The following ADAMTSL3 variants were observed in gnomAD, a reference collection of about 807,000 sequenced individuals.
ADAMTSL3 encodes the protein ADAMTS like 3.
Under a neutral mutation model 201.7 loss-of-function variants are expected in ADAMTSL3, and 128 were observed. The observed-to-expected ratio is 0.63, with a 90% CI of 0.55 to 0.73. ADAMTSL3 has a LOEUF of 0.73. Among genes scored for constraint, ADAMTSL3 ranks in the 30% least tolerant of loss-of-function variants. The pLI is 0.00. For synonymous variants in ADAMTSL3, 738 were observed against 748.4 expected (o/e 0.99, Z 0.23); for missense variants, 1,990 against 2,119.6 (o/e 0.94, Z 1.20).
At chr15:83,763,082 T>C (rs1356271103) in intron 3 of ADAMTSL3, among the ~76,000 whole-genome samples, 1 of 152,022 alleles carries the variant, frequency 6.6e-6, no homozygotes, top group Non-Finnish European at 1.5e-5. Flanking sequence ...AGAGACGGGG[T>C]TTCACCGTGT....
At chr15:83,992,454 A>G (rs939696310) in intron 23 of ADAMTSL3, among the ~76,000 whole-genome samples, 6 of 152,170 alleles carry the variant, frequency 3.9e-5, no homozygotes, top group Non-Finnish European at 8.8e-5. Context: ...TACACCCACC[A>G]TTACAGAAAG....
chr15:83,866,626 G>A (rs1484325086), intron 8 of ADAMTSL3, among the ~76,000 whole-genome samples: 1 of 152,040 alleles, frequency 6.6e-6, no homozygotes, highest in Non-Finnish European at 1.5e-5. Flanking sequence ...GGGGGAGTGG[G>A]GAGGGATAGC....
chr15:83,876,695 A>C (rs1241685356), intron 9 of ADAMTSL3, among the ~76,000 whole-genome samples: 2 of 152,068 alleles, frequency 1.3e-5, no homozygotes, highest in African/African-American at 2.4e-5. Context: ...TCGGTGGCAC[A>C]ATCATGACTC....
chr15:83,838,182 G>C lies in ADAMTSL3; in HGVS notation c.694G>C (p.Gly232Arg). 1 of 1,612,794 alleles carries C rather than the reference G, an allele frequency of 6.2e-7. No homozygotes were observed. The highest frequency in any genetic ancestry group is 8.5e-7 in the Non-Finnish European group (1 of 1,179,482). Residue 232 changes from glycine to arginine, a missense_variant, in exon 7 of 30, where the codon GGA becomes CGA. Coordinates refer to ENST00000286744, the MANE Select transcript of ADAMTSL3 (RefSeq NM_207517.3). ...GDGSTCRLVR[G>R]QSKSHVSPEK... ...TGGCTCCACCTGCAGGCTTGTACGG[G>C]GACAATCAAAGTCACACGTTTCTCC...
chr15:83,721,270 ATCTG>A (rs1368003098), intron 3 of ADAMTSL3, among the ~76,000 whole-genome samples: 30 of 152,212 alleles, frequency 2.0e-4, no homozygotes, highest in African/African-American at 7.2e-4. Flanking sequence ...ATGACTTGAT[ATCTG>A]TCTGTTAGGC....
intron 17 of ADAMTSL3, 64 bp from the exon 18 acceptor site, chr15:83,942,528 TCATG>T: frequency 6.8e-7 from 1 of 1,478,212 alleles, no homozygotes; most frequent in Non-Finnish European, 9.2e-7. Flanking sequence ...TTCACGTTGT[TCATG>T]CTCTGATGGT....
intron 2 of ADAMTSL3, among the ~76,000 whole-genome samples, chr15:83,693,383 G>A (rs559185609): frequency 2.7e-4 from 41 of 152,280 alleles, no homozygotes; most frequent in African/African-American, 9.6e-4. Flanking sequence ...AGCCATGCTC[G>A]GGCCTGGCCA....
chr15:83,684,174 C>G (rs2061509567), intron 2 of ADAMTSL3, among the ~76,000 whole-genome samples: 1 of 152,096 alleles, frequency 6.6e-6, no homozygotes, highest in South Asian at 2.1e-4. Context: ...GAGATTTCTG[C>G]TTAGTTTGTT....
At chr15:83,968,905 A>G (rs914280592) in intron 19 of ADAMTSL3, among the ~76,000 whole-genome samples, 7 of 152,230 alleles carry the variant, frequency 4.6e-5, no homozygotes, top group Non-Finnish European at 4.4e-5. Flanking sequence ...ACACAGGAAC[A>G]GAAAACCAAA....
At chr15:84,012,938 G>A (rs2068030339) in intron 23 of ADAMTSL3, among the ~76,000 whole-genome samples, 1 of 152,192 alleles carries the variant, frequency 6.6e-6, no homozygotes, top group South Asian at 2.1e-4. Context: ...CAAGGCTACA[G>A]AACTAATAAC....
At chr15:83,802,363 T>A (rs1274083704) in intron 4 of ADAMTSL3, among the ~76,000 whole-genome samples, 1 of 152,172 alleles carries the variant, frequency 6.6e-6, no homozygotes, top group Non-Finnish European at 1.5e-5. Flanking sequence ...TCTAGGTATT[T>A]ACCCAAGAGA....
chr15:83,939,250 C>CT lies in ADAMTSL3; in HGVS notation c.2118-3336dup, dbSNP rs575287197. Among the ~76,000 whole-genome samples the CT allele has an allele frequency of 8.6e-4, 127 of 147,188 alleles. 1 individual carries two copies. Among genetic ancestry groups the CT allele is most frequent in the South Asian group, 5.2e-3 (24 of 4,620 alleles). ...TTAAATGAGTTGGGAAGTTCTTCTT[C>CT]TTTTTTTTTTGAGAGTTTATATAAG... On this transcript the variant is annotated intron_variant, in intron 17 of 29. Coordinates refer to ENST00000286744, the MANE Select transcript of ADAMTSL3 (RefSeq NM_207517.3).
At chr15:83,750,772 G>T (rs4843154) in intron 3 of ADAMTSL3, among the ~76,000 whole-genome samples, 65,361 of 151,870 alleles carry the variant, frequency 0.43, 14,501 homozygotes, top group Admixed American at 0.61. Flanking sequence ...GGATGGTCTC[G>T]ATCTCTTGAC....
chr15:83,745,326 G>C (rs2062527730), intron 3 of ADAMTSL3, among the ~76,000 whole-genome samples: 1 of 152,156 alleles, frequency 6.6e-6, no homozygotes, highest in South Asian at 2.1e-4. Flanking sequence ...GGTGCCATTT[G>C]TGTGGATGCT....
At chr15:83,793,106 C>T (rs1426381933) in intron 4 of ADAMTSL3, among the ~76,000 whole-genome samples, 8 of 152,142 alleles carry the variant, frequency 5.3e-5, no homozygotes, top group Admixed American at 4.6e-4. Flanking sequence ...ACCACATAAT[C>T]TCACTCATAT....
At chr15:83,753,217 C>G (rs2062666353) in intron 3 of ADAMTSL3, among the ~76,000 whole-genome samples, 1 of 152,158 alleles carries the variant, frequency 6.6e-6, no homozygotes, top group South Asian at 2.1e-4. Context: ...CATTATTAAC[C>G]TAACCAGGGA....
chr15:84,031,528 C>T, intron 28 of ADAMTSL3, 96 bp downstream of exon 28: 1 of 1,083,988 alleles, frequency 9.2e-7, no homozygotes, highest in Non-Finnish European at 1.4e-6. Flanking sequence ...CTAGTTTCTA[C>T]CAACTCTCAT....
intron 9 of ADAMTSL3, among the ~76,000 whole-genome samples, chr15:83,872,108 T>C (rs2065091707): frequency 6.6e-6 from 1 of 152,188 alleles, no homozygotes; most frequent in Non-Finnish European, 1.5e-5. Context: ...GTTTTGTTTC[T>C]GAAACTTTGG....
intron 3 of ADAMTSL3, among the ~76,000 whole-genome samples, chr15:83,720,305 T>A (rs2062082453): frequency 6.6e-6 from 1 of 152,162 alleles, no homozygotes; most frequent in Non-Finnish European, 1.5e-5. Flanking sequence ...ATAATGCAAC[T>A]TCAAAAATAT....
Sources: allele counts gnomAD v4.1 joint callset (sites outside exome capture counted in the v4.1 genomes callset), GRCh38; gene constraint gnomAD v4.1.1; transcripts MANE v1.5; gene names NCBI Gene and HGNC (gene_info 2026-07-23, HGNC 2026-07-21).